WDR25: variants seen among roughly 807,000 people sequenced by gnomAD.
WDR25 encodes WD repeat-containing protein 25.
WDR25 carries 35 observed loss-of-function variants against 47.7 expected under a neutral mutation model. That is an observed-to-expected ratio of 0.73 (90% CI 0.56 to 0.97). The LOEUF is 0.97. Ranked by LOEUF, WDR25 falls within the 50% of genes least tolerant of loss-of-function variation. The probability of loss-of-function intolerance (pLI) is 0.00; values close to 1 mark genes in which losing one functional copy is unlikely to be tolerated. For synonymous variants in WDR25, 248 were observed against 278.9 expected, an observed-to-expected ratio of 0.89 and a Z score of 1.10; for missense variants, 634 against 704.7, an observed-to-expected ratio of 0.90 and a Z score of 1.14.
chr14:100,418,767 G>A (rs1019126048), intron 2 of WDR25, among the ~76,000 whole-genome samples: 2 of 123,438 alleles, frequency 1.6e-5, no homozygotes, highest in Non-Finnish European at 3.4e-5. Context: ...TGGCGGTGGC[G>A]GGGGGGGGTC....
intron 4 of WDR25, among the ~76,000 whole-genome samples, chr14:100,493,928 T>C (rs1900647497): frequency 6.6e-6 from 1 of 152,222 alleles, no homozygotes; most frequent in Admixed American, 6.5e-5. Flanking sequence ...AGAAGACAGA[T>C]GACTGTTTGC....
At position 100,504,137 on chromosome 14, in the gene WDR25, T is replaced by G. The variant is rs79232094; in HGVS notation, c.1101+20013T>G. 5.3e-4 allele frequency among the ~76,000 whole-genome samples: 80 copies of G among 152,362 alleles called. 1 individual carries two copies. In the East Asian group the frequency reaches 0.013, roughly 24 times the overall value. Reference sequence around the variant, plus strand: ...GCAAATCCCAGACATCCTGTCATTTTATTTGTAAATACTTTTGTTTCTTTA... The same window carrying G: ...GCAAATCCCAGACATCCTGTCATTTGATTTGTAAATACTTTTGTTTCTTTA... On this transcript the variant is annotated intron_variant, in intron 4 of 6. Transcript: ENST00000402312.
intron 4 of WDR25, among the ~76,000 whole-genome samples, chr14:100,514,863 T>C (rs1238455314): frequency 6.6e-6 from 1 of 152,184 alleles, no homozygotes; most frequent in Admixed American, 6.5e-5. Context: ...CCTTAAGGAC[T>C]TCCTTTAACA....
intron 1 of WDR25, among the ~76,000 whole-genome samples, chr14:100,378,464 G>T (rs1057235749): frequency 4.6e-5 from 7 of 152,126 alleles, no homozygotes; most frequent in Non-Finnish European, 1.0e-4. Context: ...ACTATGCCCT[G>T]CCCAGAAAGA....
At chr14:100,454,921 GT>G (rs528201850) in intron 2 of WDR25, 340 of 151,048 alleles carry the variant, frequency 2.3e-3, no homozygotes, top group Admixed American at 3.3e-3. Flanking sequence ...TTAGCTGCGT[GT>G]TTTTTTTTTT....
intron 4 of WDR25, among the ~76,000 whole-genome samples, chr14:100,485,944 C>G (rs1313563306): frequency 6.6e-6 from 1 of 150,882 alleles, no homozygotes; most frequent in Non-Finnish European, 1.5e-5. Context: ...TAGATGTAGT[C>G]TTTAAAAAAA....
At chr14:100,396,015 C>T (rs1454622367) in intron 2 of WDR25, among the ~76,000 whole-genome samples, 7 of 133,460 alleles carry the variant, frequency 5.2e-5, no homozygotes, top group East Asian at 2.2e-4. Context: ...CTCGCTCTGT[C>T]GCCCAGGTTG....
chr14:100,469,598 C>T (rs1015122382), intron 3 of WDR25, among the ~76,000 whole-genome samples: 1 of 152,174 alleles, frequency 6.6e-6, no homozygotes, highest in Non-Finnish European at 1.5e-5. Flanking sequence ...AAAGCACTTC[C>T]CTGGTCTTAC....
At chr14:100,423,270 C>CT (rs1168602826) in intron 2 of WDR25, among the ~76,000 whole-genome samples, 1 of 152,088 alleles carries the variant, frequency 6.6e-6, no homozygotes, top group Non-Finnish European at 1.5e-5. Context: ...CCTGATCTCC[C>CT]CTGTTATAAT....
At chr14:100,435,365 C>A (rs1193206599) in intron 2 of WDR25, among the ~76,000 whole-genome samples, 1 of 152,190 alleles carries the variant, frequency 6.6e-6, no homozygotes, top group East Asian at 1.9e-4. Flanking sequence ...AGGAGCTATT[C>A]CCCTTATAAT....
chr14:100,415,271 A>G (rs941630153), intron 2 of WDR25, among the ~76,000 whole-genome samples: 3 of 152,196 alleles, frequency 2.0e-5, no homozygotes, highest in African/African-American at 4.8e-5. Context: ...AAGACAGGCA[A>G]AGAAATATTA....
At chr14:100,491,511 G>C (rs1260413601) in intron 4 of WDR25, among the ~76,000 whole-genome samples, 4 of 152,234 alleles carry the variant, frequency 2.6e-5, no homozygotes, top group Non-Finnish European at 4.4e-5. Flanking sequence ...ACAATCACAT[G>C]CTGTCCAAAT....
At position 100,502,620 on chromosome 14, in the gene WDR25, G is replaced by C. The variant is rs965583803; in HGVS notation, c.1101+18496G>C. Among the ~76,000 whole-genome samples, 5 of 152,212 alleles carry C rather than the reference G, an allele frequency of 3.3e-5. No individual in the cohort carries two copies. Among genetic ancestry groups the C allele is most frequent in the Admixed American group, 1.3e-4 (2 of 15,288 alleles). Reference sequence around the variant, plus strand: ...ATAGACACTTGCTGAATTAACCACTGCATGGCCAAGTGGCCACGGCGTGGG... The same window carrying C: ...ATAGACACTTGCTGAATTAACCACTCCATGGCCAAGTGGCCACGGCGTGGG... On this transcript the variant is annotated intron_variant, in intron 4 of 6. Transcript: ENST00000402312. This position sits in a 1 kb window ranked among gnomAD's most constrained non-coding sequence, Gnocchi z 4.5.
Position 100,529,236 on chromosome 14 carries a change from A to T in WDR25, c.1413+28A>T. ...ACTTCTGTCCTTGTCCCCCAGGCGA[A>T]TGCTGAGCCCCAGCCCCAAGCCTCC... On this transcript the variant is annotated intron_variant, in intron 6 of 6. Coordinates refer to ENST00000402312, the MANE Select transcript of WDR25 (RefSeq NM_001161476.3). This position sits in a 1 kb window ranked among gnomAD's most constrained non-coding sequence, Gnocchi z 5.1. The T allele has an allele frequency of 6.2e-7, 1 of 1,612,072 alleles. No individual in the cohort carries two copies. Among genetic ancestry groups the T allele is most frequent in the Non-Finnish European group, 8.5e-7 (1 of 1,179,552 alleles).
At chr14:100,396,783 G>T (rs1011957970) in intron 2 of WDR25, among the ~76,000 whole-genome samples, 6 of 152,242 alleles carry the variant, frequency 3.9e-5, no homozygotes, top group Non-Finnish European at 8.8e-5. Context: ...AGGGCCACAG[G>T]TCCCTGGGCC....
At position 100,499,528 on chromosome 14, in the gene WDR25, TG is replaced by T. The variant is rs1900845135; in HGVS notation, c.1101+15407del. On this transcript the variant is annotated intron_variant, in intron 4 of 6. Coordinates refer to ENST00000402312, the MANE Select transcript of WDR25 (RefSeq NM_001161476.3). This position sits in a 1 kb window ranked among gnomAD's most constrained non-coding sequence, Gnocchi z 4.4. ...GGAAGTGCCAGCTAACCCTGAAGAA[TG>T]GGTTCATTTGTTAGTTTGCTTGTTT... Among the ~76,000 whole-genome samples the T allele has an allele frequency of 6.6e-6, 1 of 152,198 alleles. No homozygotes were observed. The highest frequency in any genetic ancestry group is 2.4e-5 in the African/African-American group (1 of 41,440).
At chr14:100,514,227 C>T (rs1173471103) in intron 4 of WDR25, among the ~76,000 whole-genome samples, 2 of 152,178 alleles carry the variant, frequency 1.3e-5, no homozygotes, top group East Asian at 1.9e-4. Flanking sequence ...TGAGCCACCG[C>T]GCCCGGCCCT....
intron 2 of WDR25, chr14:100,455,139 A>G (rs1899158732): frequency 1.3e-5 from 2 of 152,230 alleles, no homozygotes; most frequent in Non-Finnish European, 2.9e-5. Flanking sequence ...GTTATTATAG[A>G]TGTGCTGAAG....
chr14:100,393,570 A>C (rs538946270), intron 2 of WDR25, among the ~76,000 whole-genome samples: 1 of 152,330 alleles, frequency 6.6e-6, no homozygotes, highest in South Asian at 2.1e-4. Flanking sequence ...GTTTGCTCCC[A>C]GGGCAGAAGT....
Sources: gnomAD v4.1 joint callset for allele counts (sites outside exome capture counted in the v4.1 genomes callset) on GRCh38, gnomAD v4.1.1 for gene constraint, Gnocchi (gnomAD v3.1) non-coding constraint, MANE v1.5 for transcripts, NCBI Gene and HGNC (gene_info 2026-07-23, HGNC 2026-07-21) for gene names.